MAGI1: variants seen among roughly 807,000 people sequenced by gnomAD.
MAGI1 encodes membrane associated guanylate kinase, WW and PDZ domain containing 1, also known as membrane-associated guanylate kinase, WW and PDZ domain-containing protein 1.
A neutral mutation model predicts 139.9 loss-of-function variants in MAGI1; 58 were observed. That is an observed-to-expected ratio of 0.41 (90% CI 0.34 to 0.52). MAGI1 has a LOEUF of 0.52. Ranked by LOEUF, MAGI1 falls within the 20% of genes least tolerant of loss-of-function variation. The pLI, the probability that MAGI1 is intolerant of heterozygous loss-of-function variation, is 0.12. For synonymous variants in MAGI1, 812 were observed against 737.9 expected (o/e 1.10, Z -1.63); for missense variants, 1,874 against 1,901.6 (o/e 0.99, Z 0.27).
At chr3:65,924,698 G>A (rs1214843982) in intron 1 of MAGI1, among the ~76,000 whole-genome samples, 1 of 152,126 alleles carries the variant, frequency 6.6e-6, no homozygotes, top group Non-Finnish European at 1.5e-5. Flanking sequence ...GATTCGGTTA[G>A]GAAACCCCAC....
intron 1 of MAGI1, among the ~76,000 whole-genome samples, chr3:65,644,416 C>CAAAAAAAAA (rs750068803): frequency 1.1e-4 from 11 of 102,844 alleles, no homozygotes; most frequent in African/African-American, 3.8e-4. Flanking sequence ...AACCTCAGCC[C>CAAAAAAAAA]AAAAAAAAAA....
intron 22 of MAGI1, among the ~76,000 whole-genome samples, chr3:65,358,659 T>C (rs1940463799): frequency 6.6e-6 from 1 of 152,160 alleles, no homozygotes; most frequent in African/African-American, 2.4e-5. Flanking sequence ...AAACAGGCTA[T>C]GGACAGGATT....
intron 1 of MAGI1, among the ~76,000 whole-genome samples, chr3:66,003,130 C>T (rs946780877): frequency 6.6e-6 from 1 of 152,116 alleles, no homozygotes; most frequent in Admixed American, 6.6e-5. Flanking sequence ...ACCTGTAAGA[C>T]TGTGAAGATG....
chr3:65,925,693 T>G (rs932766501), intron 1 of MAGI1, among the ~76,000 whole-genome samples: 4 of 152,174 alleles, frequency 2.6e-5, no homozygotes, highest in African/African-American at 9.7e-5. Context: ...GACTAACTTT[T>G]TTTTTAGACA....
intron 12 of MAGI1, among the ~76,000 whole-genome samples, chr3:65,407,440 C>A (rs2107167512): frequency 7.2e-6 from 1 of 138,416 alleles, no homozygotes; most frequent in South Asian, 2.6e-4. Context: ...GAGTGAGACT[C>A]CGTCTCAAAA....
chr3:65,767,693 C>G (rs1445579361), intron 1 of MAGI1, among the ~76,000 whole-genome samples: 1 of 152,074 alleles, frequency 6.6e-6, no homozygotes, highest in Non-Finnish European at 1.5e-5. Flanking sequence ...ACAGACCAAA[C>G]CAAAATGGGG....
At chr3:65,374,752 A>C (rs1942335281) in intron 18 of MAGI1, among the ~76,000 whole-genome samples, 1 of 152,186 alleles carries the variant, frequency 6.6e-6, no homozygotes, top group Non-Finnish European at 1.5e-5. Context: ...GATGCTACTC[A>C]CACCCACTGC....
intron 1 of MAGI1, among the ~76,000 whole-genome samples, chr3:65,935,700 T>TGGTAAA (rs2063019182): frequency 6.6e-6 from 1 of 152,198 alleles, no homozygotes; most frequent in African/African-American, 2.4e-5. Flanking sequence ...CAATAGAATG[T>TGGTAAA]GGTAAAGGTG....
intron 1 of MAGI1, among the ~76,000 whole-genome samples, chr3:65,870,694 A>AG (rs1330574507): frequency 1.3e-5 from 2 of 149,722 alleles, no homozygotes; most frequent in African/African-American, 5.0e-5. Context: ...GACTGTTCAT[A>AG]GTGGGATTTT....
At chr3:65,384,397 A>G (rs1479960668) in intron 14 of MAGI1, among the ~76,000 whole-genome samples, 1 of 152,194 alleles carries the variant, frequency 6.6e-6, no homozygotes, top group South Asian at 2.1e-4. Context: ...AACTATTTAC[A>G]TGGCATTTGC....
chr3:66,007,860 C>CTT (rs2067111807), intron 1 of MAGI1, among the ~76,000 whole-genome samples: 1 of 150,260 alleles, frequency 6.7e-6, no homozygotes, highest in Non-Finnish European at 1.5e-5. Context: ...GCCCCACACA[C>CTT]TAGTCCTCTG....
intron 1 of MAGI1, among the ~76,000 whole-genome samples, chr3:65,799,843 C>T (rs555772185): frequency 6.6e-6 from 1 of 152,210 alleles, no homozygotes; most frequent in South Asian, 2.1e-4. Flanking sequence ...ACATTTTCCC[C>T]TCACATTAAT....
intron 7 of MAGI1, among the ~76,000 whole-genome samples, chr3:65,446,307 T>A (rs1222544551): frequency 6.6e-6 from 1 of 152,130 alleles, no homozygotes; most frequent in East Asian, 1.9e-4. Flanking sequence ...CCCCTCTTTA[T>A]GGATAAGGAA....
chr3:65,787,725 A>T (rs866550879), intron 1 of MAGI1, among the ~76,000 whole-genome samples: 1 of 151,980 alleles, frequency 6.6e-6, no homozygotes, highest in Admixed American at 6.6e-5. Context: ...TTGAACATCT[A>T]ATTAGCCTTG....
rs1260087353 is a variant in MAGI1, at chr3:65,379,399, T to G, written c.2857A>C (p.Ser953Arg). 1.9e-6 allele frequency: 3 copies of G among 1,612,900 alleles called. No individual in the cohort carries two copies. Among genetic ancestry groups the G allele is most frequent in the African/African-American group, 1.3e-5 (1 of 74,898 alleles). Reference sequence around the variant, plus strand: ...ACGCCGCTGCCCCCGCCGCCGCCACTGCCGATGCCGCTGGTGCTGCCGCTG... The same window carrying G: ...ACGCCGCTGCCCCCGCCGCCGCCACGGCCGATGCCGCTGGTGCTGCCGCTG... Reference protein sequence around the residue: ...SGSGSTSGIGSGGGGGSGVVS... With the variant: ...SGSGSTSGIGRGGGGGSGVVS... The change falls in exon 17 of 23, where the codon AGT becomes CGT. Residue 953 changes from serine (S) to arginine (R), a missense_variant. Ser to Arg is a moderately radical substitution (Grantham distance 110, BLOSUM62 -1). Transcript: ENST00000402939.
Position 65,440,032 on chromosome 3 carries a change from G to C in MAGI1, c.1137-20C>G, listed in dbSNP as rs1948157301. ...ATGTGGCTGGGGAAGATAGCAAATA[G>C]TATTCAGCTTGAAACAGTTCATCCC... On this transcript the variant is annotated intron_variant, in intron 8 of 22. Transcript: ENST00000402939. 1 of 1,613,746 alleles carries C rather than the reference G, an allele frequency of 6.2e-7. No individual in the cohort carries two copies. Among genetic ancestry groups the C allele is most frequent in the African/African-American group, 1.3e-5 (1 of 75,016 alleles).
intron 1 of MAGI1, among the ~76,000 whole-genome samples, chr3:65,895,335 C>T (rs2060925817): frequency 6.6e-6 from 1 of 152,202 alleles, no homozygotes; most frequent in South Asian, 2.1e-4. Flanking sequence ...TCTCTCCACT[C>T]AATGTCTTAA....
intron 1 of MAGI1, among the ~76,000 whole-genome samples, chr3:65,833,872 A>G (rs2042661918): frequency 6.6e-6 from 1 of 152,230 alleles, no homozygotes; most frequent in Non-Finnish European, 1.5e-5. Context: ...TTTCATTTGC[A>G]TGCAGGAAAA....
intron 1 of MAGI1, among the ~76,000 whole-genome samples, chr3:65,674,762 TC>T (rs34990995): frequency 6.6e-6 from 1 of 152,152 alleles, no homozygotes; most frequent in Admixed American, 6.5e-5. Context: ...CTGGTGCACT[TC>T]CCAGGCACAT....
Sources: gnomAD v4.1 joint callset for allele counts (sites outside exome capture counted in the v4.1 genomes callset) on GRCh38, gnomAD v4.1.1 for gene constraint, MANE v1.5 for transcripts, NCBI Gene and HGNC (gene_info 2026-07-23, HGNC 2026-07-21) for gene names.